C1orf94: variants seen among roughly 807,000 people sequenced by gnomAD.
The protein encoded by C1orf94 is uncharacterized protein C1orf94.
A neutral mutation model predicts 53.6 loss-of-function variants in C1orf94; 45 were observed. That is an observed-to-expected ratio of 0.84 (90% CI 0.66 to 1.08). The LOEUF (loss-of-function observed/expected upper bound fraction) is 1.08, where lower values mean the gene tolerates loss of function less well. C1orf94 is among the 50% of genes least tolerant of loss of function. C1orf94 has a pLI of 0.00. For missense variants in C1orf94, 762 were observed against 738.9 expected (o/e 1.03, Z -0.36); for synonymous variants, 304 against 296.1 (o/e 1.03, Z -0.27).
rs1312204162 is a variant in C1orf94, at chr1:34,215,409, A to G, written c.1721+3003A>G. 2.6e-5 allele frequency among the ~76,000 whole-genome samples: 4 copies of G among 152,326 alleles called. No homozygotes were observed. In the East Asian group the frequency reaches 5.8e-4, roughly 22 times the overall value. On this transcript the variant is annotated intron_variant, in intron 6 of 6. Coordinates refer to ENST00000488417, the MANE Select transcript of C1orf94 (RefSeq NM_001134734.2). ...TGTAGGCTTTTAAATTGATGAGGAC[A>G]TGTTCTAATCTTCTATATAAAACAG...
chr1:34,196,373 G>A (rs1371502659), intron 1 of C1orf94, among the ~76,000 whole-genome samples: 2 of 152,182 alleles, frequency 1.3e-5, no homozygotes, highest in Admixed American at 6.5e-5. Context: ...GAAGATCCTG[G>A]TGAATCAGTG....
intron 1 of C1orf94, among the ~76,000 whole-genome samples, chr1:34,187,392 A>C (rs1379705062): frequency 6.6e-6 from 1 of 152,126 alleles, no homozygotes; most frequent in Admixed American, 6.5e-5. Context: ...ACCAGGAGCC[A>C]TGAGTGGTGA....
intron 1 of C1orf94, among the ~76,000 whole-genome samples, chr1:34,171,038 T>C (rs1415952854): frequency 6.6e-6 from 1 of 152,184 alleles, no homozygotes; most frequent in African/African-American, 2.4e-5. Context: ...GCTATCTTTT[T>C]AAAACACTCA....
chr1:34,214,182 G>A (rs1642945454), intron 6 of C1orf94, among the ~76,000 whole-genome samples: 2 of 152,212 alleles, frequency 1.3e-5, no homozygotes, highest in Non-Finnish European at 2.9e-5. Context: ...AGGTTCCAGT[G>A]AGCAGCACTG....
intron 6 of C1orf94, 74 bp from the exon 7 acceptor site, chr1:34,218,612 A>G (rs1643027941): frequency 1.7e-6 from 2 of 1,193,220 alleles, no homozygotes; most frequent in Non-Finnish European, 2.4e-6. Context: ...CATAAAATTA[A>G]TATATATATT....
At chr1:34,206,245 C>T (rs1189606097) in intron 4 of C1orf94, among the ~76,000 whole-genome samples, 2 of 152,196 alleles carry the variant, frequency 1.3e-5, no homozygotes, top group Non-Finnish European at 2.9e-5. Flanking sequence ...TCTGCTGTCC[C>T]TACTGTATGG....
chr1:34,184,617 CT>C (rs1255689245), intron 1 of C1orf94, among the ~76,000 whole-genome samples: 2 of 152,272 alleles, frequency 1.3e-5, no homozygotes, highest in East Asian at 3.9e-4. Context: ...AGGAAGAAGG[CT>C]TTTTTGCACT....
At position 34,202,218 on chromosome 1, in the gene C1orf94, C is replaced by A; in HGVS notation, c.1405C>A (p.Pro469Thr). ...PLWLNLNYPP[P>T]PVFTNHSTFL... is the part of the protein sequence containing the mutation. Reference sequence around the variant, plus strand: ...CTGGCTCAACCTGAACTATCCACCTCCACCAGTGTTCACGAATCACTCTAC... The same window carrying A: ...CTGGCTCAACCTGAACTATCCACCTACACCAGTGTTCACGAATCACTCTAC... The change falls in exon 4 of 7, where the codon CCA becomes ACA. Residue 469 changes from proline (P) to threonine (T), a missense_variant. By Grantham distance (38) the Pro-to-Thr change is conservative. Coordinates refer to ENST00000488417, the MANE Select transcript of C1orf94 (RefSeq NM_001134734.2). 1 of 1,614,242 alleles carries A rather than the reference C, an allele frequency of 6.2e-7. No individual in the cohort carries two copies. The highest frequency in any genetic ancestry group is 8.5e-7 in the Non-Finnish European group (1 of 1,180,036).
intron 1 of C1orf94, among the ~76,000 whole-genome samples, chr1:34,170,341 A>T (rs188556033): frequency 6.6e-6 from 1 of 152,296 alleles, no homozygotes; most frequent in Non-Finnish European, 1.5e-5. Context: ...GCAAAGCATG[A>T]TTGATTACTC....
intron 1 of C1orf94, among the ~76,000 whole-genome samples, chr1:34,169,828 A>T (rs1642117103): frequency 6.6e-6 from 1 of 152,222 alleles, no homozygotes; most frequent in Admixed American, 6.5e-5. Context: ...CTATCACCAT[A>T]GAGGTGGCAG....
At chr1:34,200,488 G>A (rs1302753517) in intron 2 of C1orf94, among the ~76,000 whole-genome samples, 5 of 152,150 alleles carry the variant, frequency 3.3e-5, no homozygotes, top group Non-Finnish European at 7.4e-5. Flanking sequence ...ATGGATGGAT[G>A]GATAAGTAGA....
At chr1:34,173,414 A>G (rs1260337605), upstream of C1orf94, among the ~76,000 whole-genome samples, 1 of 152,208 alleles carries the variant, frequency 6.6e-6, no homozygotes, top group Non-Finnish European at 1.5e-5. Flanking sequence ...ATTGTAAAAG[A>G]GCCTAGGCCA....
chr1:34,187,081 CCTT>C (rs1423179972), intron 1 of C1orf94, among the ~76,000 whole-genome samples: 10 of 152,162 alleles, frequency 6.6e-5, no homozygotes, highest in Admixed American at 1.3e-4. Context: ...GTTTTTTCCT[CCTT>C]CTGTCTTAGG....
upstream of C1orf94, among the ~76,000 whole-genome samples, chr1:34,176,402 T>G (rs1251457146): frequency 6.6e-6 from 1 of 152,046 alleles, no homozygotes; most frequent in African/African-American, 2.4e-5. Flanking sequence ...ATGAAGCCGC[T>G]TCAGTGAGGG....
rs565128994 is a variant in C1orf94, at chr1:34,182,482, A to G, written c.320+4373A>G. ...CAGCTTCTGTGTGGAGATGGTTTGTAAGTGTGTGGGAGAGGAAGTGGGAGG... is the reference window on the plus strand; with the variant it reads ...CAGCTTCTGTGTGGAGATGGTTTGTGAGTGTGTGGGAGAGGAAGTGGGAGG... On this transcript the variant is annotated intron_variant, in intron 1 of 6. Transcript: ENST00000488417. Among the ~76,000 whole-genome samples the G allele has an allele frequency of 2.6e-5, 4 of 152,232 alleles. No individual in the cohort carries two copies. In the East Asian group the frequency reaches 7.7e-4, roughly 29 times the overall value.
chr1:34,181,245 C>T (rs777736627), intron 1 of C1orf94, among the ~76,000 whole-genome samples: 1 of 152,186 alleles, frequency 6.6e-6, no homozygotes, highest in Non-Finnish European at 1.5e-5. Context: ...AAGCTAACCA[C>T]CTCTGGTTTT....
chr1:34,172,069 A>G (rs968775486), upstream of C1orf94, among the ~76,000 whole-genome samples: 1 of 152,226 alleles, frequency 6.6e-6, no homozygotes, highest in Non-Finnish European at 1.5e-5. Flanking sequence ...ATGTCCCGGC[A>G]TGGAAGCTAT....
intron 1 of C1orf94, among the ~76,000 whole-genome samples, chr1:34,183,053 G>C (rs532364354): frequency 1.3e-5 from 2 of 152,264 alleles, no homozygotes; most frequent in South Asian, 2.1e-4. Context: ...CCATCACCAA[G>C]TTTCAAGCTT....
At chr1:34,186,702 T>A (rs2148613746) in intron 1 of C1orf94, among the ~76,000 whole-genome samples, 1 of 152,336 alleles carries the variant, frequency 6.6e-6, no homozygotes, top group Non-Finnish European at 1.5e-5. Context: ...ATCAGCTCTC[T>A]TCTTGACCAT....
Sources: gnomAD v4.1 joint callset for allele counts (sites outside exome capture counted in the v4.1 genomes callset) on GRCh38, gnomAD v4.1.1 for gene constraint, MANE v1.5 for transcripts, NCBI Gene and HGNC (gene_info 2026-07-23, HGNC 2026-07-21) for gene names.